Variants in SYTL4 observed in about 807,000 individuals in gnomAD.
SYTL4 encodes the protein synaptotagmin like 4, also known as synaptotagmin-like protein 4.
SYTL4 carries 16 observed loss-of-function variants against 52.7 expected under a neutral mutation model. The ratio of observed to expected loss-of-function variants is 0.30; its 90% CI spans 0.21 to 0.46. SYTL4 has a LOEUF of 0.46. Ranked by LOEUF, SYTL4 falls within the 20% of genes least tolerant of loss-of-function variation. The pLI is 1.00. For missense variants in SYTL4, 423 were observed against 519.9 expected (o/e 0.81, Z 1.81); for synonymous variants, 160 against 186.6 (o/e 0.86, Z 1.16).
chrX:100,729,554 C>T (rs1034156089), intron 2 of SYTL4, among the ~76,000 whole-genome samples: 6 of 111,500 alleles, frequency 5.4e-5, no homozygotes, highest in Non-Finnish European at 1.1e-4. Context: ...CATCACTACA[C>T]CTCAGCCCCT....
chrX:100,727,249 T>C (rs758107823), intron 2 of SYTL4, among the ~76,000 whole-genome samples: 2 of 112,358 alleles, frequency 1.8e-5, no homozygotes, highest in African/African-American at 6.5e-5. Flanking sequence ...CTAATAAATA[T>C]AGTGTTCTTA....
intron 7 of SYTL4, 69 bp downstream of exon 7, chrX:100,701,151 G>A: frequency 1.0e-6 from 1 of 963,071 alleles, no homozygotes; most frequent in East Asian, 3.1e-5. Context: ...AGCCCATGGA[G>A]TTAAGATGCT....
At chrX:100,723,411 T>C in intron 2 of SYTL4, among the ~76,000 whole-genome samples, 1 of 112,269 alleles carries the variant, frequency 8.9e-6, no homozygotes. Context: ...CGGAGTGTCG[T>C]TCACTCAGTG....
At chrX:100,679,440 G>A (rs1358330538) in intron 17 of SYTL4, 28 bp from the exon 18 acceptor site, 2 of 1,095,763 alleles carry the variant, frequency 1.8e-6, no homozygotes, top group Non-Finnish European at 2.5e-6. Flanking sequence ...CATAGCAAGT[G>A]AGCCCCTTCC....
intron 2 of SYTL4, among the ~76,000 whole-genome samples, chrX:100,726,129 T>G (rs930258649): frequency 9.3e-6 from 1 of 107,850 alleles, no homozygotes; most frequent in Non-Finnish European, 1.9e-5. Context: ...CATACTAGAT[T>G]GTCCACACTC....
intron 15 of SYTL4, chrX:100,686,419 G>T (rs373265387): frequency 5.1e-6 from 2 of 388,386 alleles, no homozygotes; most frequent in African/African-American, 2.5e-5. Flanking sequence ...GAACTGCCAA[G>T]GAGACTCCTT....
chrX:100,686,320 AT>A, intron 15 of SYTL4, 169 bp from the exon 16 acceptor site: 3 of 467,980 alleles, frequency 6.4e-6, no homozygotes, highest in Non-Finnish European at 1.0e-5. Context: ...AACTTAACTC[AT>A]TTTATAAAAA....
intron 2 of SYTL4, among the ~76,000 whole-genome samples, chrX:100,714,548 C>T (rs192652476): frequency 3.8e-5 from 4 of 106,065 alleles, no homozygotes; most frequent in East Asian, 5.9e-4. Flanking sequence ...CGTGAGCCAC[C>T]GTGCCTGGCC....
At chrX:100,708,774 G>T (rs544855168) in intron 2 of SYTL4, among the ~76,000 whole-genome samples, 2 of 112,214 alleles carry the variant, frequency 1.8e-5, no homozygotes, top group Admixed American at 9.4e-5. Flanking sequence ...AGAATTCCTT[G>T]TAAGAATAGT....
intron 16 of SYTL4, among the ~76,000 whole-genome samples, chrX:100,681,726 G>A (rs1345221925): frequency 1.8e-5 from 2 of 111,998 alleles, no homozygotes; most frequent in Non-Finnish European, 3.8e-5. Context: ...CGACCTAAAT[G>A]TCAATCACTA....
rs1328479591 is a variant in SYTL4 at position 100,691,132 on chromosome X, G to A, written c.617C>T (p.Thr206Ile). 3 of 1,207,216 alleles carry A rather than the reference G, an allele frequency of 2.5e-6. No individual in the cohort carries two copies. Among genetic ancestry groups the A allele is most frequent in the South Asian group, 1.8e-5 (1 of 55,831 alleles). The change falls in exon 9 of 20, where the codon ACA becomes ATA. Residue 206 changes from threonine to isoleucine, a missense_variant. Thr to Ile is a moderately conservative substitution (Grantham distance 89). Transcript: ENST00000372989. ...EAESESLDSF[T>I]ADSDSTSRRD... ...CCTGGAGGTGCTATCCGAGTCAGCT[G>A]TGAAGCTATCCAGACTCTCACTCTC...
At chrX:100,717,273 C>A (rs886356477) in intron 2 of SYTL4, among the ~76,000 whole-genome samples, 1 of 110,784 alleles carries the variant, frequency 9.0e-6, no homozygotes, top group Non-Finnish European at 1.9e-5. Flanking sequence ...AACATGGTAA[C>A]CAAAGAAATA....
chrX:100,714,931 C>G (rs2084168660), intron 2 of SYTL4, among the ~76,000 whole-genome samples: 1 of 112,080 alleles, frequency 8.9e-6, no homozygotes, highest in Admixed American at 9.5e-5. Context: ...CTGGCCTCAT[C>G]AAAATGAGAG....
chrX:100,679,504 T>TA, intron 17 of SYTL4, 92 bp from the exon 18 acceptor site: 1 of 712,894 alleles, frequency 1.4e-6, no homozygotes, highest in Non-Finnish European at 2.2e-6. Context: ...TGCTTGCTCC[T>TA]AAAGGCAGCG....
chrX:100,683,251 A>T (rs995668774), intron 16 of SYTL4, among the ~76,000 whole-genome samples: 1 of 104,609 alleles, frequency 9.6e-6, no homozygotes, highest in Non-Finnish European at 1.9e-5. Context: ...AGCTCAAGTG[A>T]TTCTCCAGCG....
At chrX:100,693,418 C>T (rs939334928) in intron 8 of SYTL4, among the ~76,000 whole-genome samples, 2 of 112,503 alleles carry the variant, frequency 1.8e-5, no homozygotes, top group Non-Finnish European at 3.7e-5. Flanking sequence ...TAAGAATCAT[C>T]GGTTACTCCT....
intron 16 of SYTL4, among the ~76,000 whole-genome samples, chrX:100,683,014 G>A (rs974175352): frequency 9.1e-6 from 1 of 110,407 alleles, no homozygotes; most frequent in African/African-American, 3.3e-5. Context: ...TATTGTCTTT[G>A]GCTTTGATTG....
chrX:100,691,049 T>C, intron 9 of SYTL4, 59 bp downstream of exon 9: 1 of 892,759 alleles, frequency 1.1e-6, no homozygotes, highest in Non-Finnish European at 1.6e-6. Context: ...ACACTGATGC[T>C]GCAGAACAAA....
At chrX:100,723,827 G>A (rs1240237496) in intron 2 of SYTL4, among the ~76,000 whole-genome samples, 2 of 110,103 alleles carry the variant, frequency 1.8e-5, no homozygotes, top group South Asian at 3.9e-4. Context: ...CGTCTGGGAA[G>A]TGAGGAGCGT....
Sources: gnomAD v4.1 joint callset for allele counts (sites outside exome capture counted in the v4.1 genomes callset) on GRCh38, gnomAD v4.1.1 for gene constraint, MANE v1.5 for transcripts, NCBI Gene and HGNC (gene_info 2026-07-23, HGNC 2026-07-21) for gene names.